Variants in EHMT1 observed in about 807,000 individuals in gnomAD.
EHMT1 encodes the protein euchromatic histone lysine methyltransferase 1, also known as histone-lysine N-methyltransferase EHMT1.
EHMT1 carries 15 observed loss-of-function variants against 147.2 expected under a neutral mutation model. The observed-to-expected ratio is 0.10, with a 90% confidence interval of 0.07 to 0.16. EHMT1 has a LOEUF of 0.16. Ranked by LOEUF, EHMT1 falls within the 10% of genes least tolerant of loss-of-function variation. EHMT1 has a pLI of 1.00. For missense variants in EHMT1, 1,587 were observed against 1,772.4 expected (o/e 0.90, Z 1.88); for synonymous variants, 795 against 709.6 (o/e 1.12, Z -1.91).
chr9:137,627,885 T>C (rs1455514992), intron 1 of EHMT1, among the ~76,000 whole-genome samples: 2 of 152,024 alleles, frequency 1.3e-5, no homozygotes, highest in African/African-American at 4.8e-5. Context: ...ACTTTTTGTA[T>C]TTTTAGTAGA....
Position 137,731,940 on chromosome 9 carries a change from C to T in EHMT1, c.823+3411C>T, listed in dbSNP as rs544032909. 3.0e-4 allele frequency among the ~76,000 whole-genome samples: 45 copies of T among 152,290 alleles called. 1 individual carries two copies. The highest frequency in any genetic ancestry group is 3.4e-3 in the Middle Eastern group (1 of 292). ...AAGCAGTTTACACTGCAGGCGCTGG[C>T]GTCTAGATGAGGGGAACACGGTGGT... On this transcript the variant is annotated intron_variant, in intron 4 of 26. Transcript: ENST00000460843. This position sits in a 1 kb window ranked among gnomAD's most constrained non-coding sequence, Gnocchi z 4.3.
chr9:137,631,994 T>C (rs973414806), intron 1 of EHMT1, among the ~76,000 whole-genome samples: 1 of 152,234 alleles, frequency 6.6e-6, no homozygotes, highest in Non-Finnish European at 1.5e-5. Flanking sequence ...GACGCACATG[T>C]GTCATTGTGT....
intron 1 of EHMT1, among the ~76,000 whole-genome samples, chr9:137,707,227 G>A (rs768556166): frequency 2.2e-4 from 33 of 152,230 alleles, no homozygotes; most frequent in Non-Finnish European, 3.2e-4. Flanking sequence ...CGCTGCTTGG[G>A]GGGGCTGGTC....
chr9:137,679,247 C>T (rs1232960000), intron 1 of EHMT1, among the ~76,000 whole-genome samples: 3 of 152,162 alleles, frequency 2.0e-5, no homozygotes, highest in Admixed American at 2.0e-4. Flanking sequence ...CTGTGCCCGA[C>T]CTGAGAAATT....
chr9:137,661,486 C>CT (rs1195276514), intron 1 of EHMT1, among the ~76,000 whole-genome samples: 2,034 of 133,892 alleles, frequency 0.015, 46 homozygotes, highest in African/African-American at 0.039. Flanking sequence ...TTTTGTACAT[C>CT]TTTTTTTTTT....
intron 18 of EHMT1, among the ~76,000 whole-genome samples, chr9:137,808,479 G>C (rs1264409879): frequency 6.6e-6 from 1 of 152,068 alleles, no homozygotes; most frequent in Non-Finnish European, 1.5e-5. Flanking sequence ...TTACTCTTCT[G>C]GTTCTTTTAG....
At chr9:137,802,889 C>T (rs1192753719) in intron 18 of EHMT1, 21 of 1,232,118 alleles carry the variant, frequency 1.7e-5, no homozygotes, top group Non-Finnish European at 2.0e-5. Flanking sequence ...GAGCCCTGAG[C>T]CGGCAGAAGG....
chr9:137,740,208 C>A (rs1947930125), intron 4 of EHMT1, among the ~76,000 whole-genome samples: 1 of 152,166 alleles, frequency 6.6e-6, no homozygotes. Context: ...ACTCCTGGCA[C>A]TATTTTTCCT....
At chr9:137,658,843 T>C (rs1238438473) in intron 1 of EHMT1, among the ~76,000 whole-genome samples, 1 of 152,138 alleles carries the variant, frequency 6.6e-6, no homozygotes, top group East Asian at 1.9e-4. Context: ...CAGGCTGGTC[T>C]CAAGCTTTTG....
chr9:137,619,224 G>GCCGCCGGGCGTCCGGCCCGCGCTC (rs1226899396), intron 1 of EHMT1, among the ~76,000 whole-genome samples, 175 bp downstream of exon 1: 1 of 142,462 alleles, frequency 7.0e-6, no homozygotes, highest in African/African-American at 2.5e-5. Flanking sequence ...CCGGGCCGAG[G>GCCGCCGGGCGTCCGGCCCGCGCTC]CCGCCGGGCG....
At chr9:137,666,444 C>T (rs1056032987) in intron 1 of EHMT1, among the ~76,000 whole-genome samples, 3 of 152,208 alleles carry the variant, frequency 2.0e-5, no homozygotes, top group Admixed American at 6.5e-5. Flanking sequence ...CCTACCTGCC[C>T]CCATGGCAGC....
chr9:137,788,773 CG>C (rs1952232635), intron 15 of EHMT1: 1 of 152,216 alleles, frequency 6.6e-6, no homozygotes, highest in Non-Finnish European at 1.5e-5. Flanking sequence ...CAGAGCCTCG[CG>C]GAGGGTGAGC....
At chr9:137,761,692 C>T (rs546779220) in intron 9 of EHMT1, among the ~76,000 whole-genome samples, 3 of 152,124 alleles carry the variant, frequency 2.0e-5, no homozygotes, top group African/African-American at 2.4e-5. Flanking sequence ...CTCCTGACCT[C>T]GTGATCTGCC....
intron 6 of EHMT1, among the ~76,000 whole-genome samples, chr9:137,744,315 T>C (rs78069921): frequency 1.3e-5 from 2 of 152,102 alleles, no homozygotes; most frequent in African/African-American, 4.8e-5. Flanking sequence ...CTTTTTTTTT[T>C]CTGTGTTTTC....
intron 18 of EHMT1, among the ~76,000 whole-genome samples, chr9:137,804,691 C>T (rs953180325): frequency 7.9e-5 from 12 of 152,024 alleles, no homozygotes; most frequent in African/African-American, 1.9e-4. Context: ...TTTTCTTATA[C>T]GAGTTTTATG....
intron 6 of EHMT1, among the ~76,000 whole-genome samples, chr9:137,750,993 A>G (rs1361716934): frequency 6.6e-6 from 1 of 152,256 alleles, no homozygotes; most frequent in East Asian, 1.9e-4. Context: ...GCTCCATTCT[A>G]GAGTCTGACA....
chr9:137,665,682 T>G (rs1175970755), intron 1 of EHMT1, among the ~76,000 whole-genome samples: 1 of 152,218 alleles, frequency 6.6e-6, no homozygotes, highest in Non-Finnish European at 1.5e-5. Context: ...GTGATTGCTT[T>G]GTGGGATGAG....
Position 137,781,864 on chromosome 9 carries a change from C to T in EHMT1, c.2276-427C>T, listed in dbSNP as rs578226567. 2.6e-5 allele frequency among the ~76,000 whole-genome samples: 4 copies of T among 152,328 alleles called. No homozygotes were observed. The East Asian group carries it at 5.8e-4, about 22-fold the overall frequency. ...CACCTGTGAAGGTCACCTCACTGCT[C>T]CGTTGCTCACCGTCCTCTCAGACCT... On this transcript the variant is annotated intron_variant, in intron 14 of 26. Transcript: ENST00000460843.
At chr9:137,759,302 G>A (rs905537011) in intron 9 of EHMT1, among the ~76,000 whole-genome samples, 6 of 152,250 alleles carry the variant, frequency 3.9e-5, no homozygotes, top group African/African-American at 1.4e-4. Flanking sequence ...TATAACACTG[G>A]GTGTTTCAGT....
Sources: gnomAD v4.1 joint callset for allele counts (sites outside exome capture counted in the v4.1 genomes callset) on GRCh38, gnomAD v4.1.1 for gene constraint, Gnocchi (gnomAD v3.1) non-coding constraint, MANE v1.5 for transcripts, NCBI Gene and HGNC (gene_info 2026-07-23, HGNC 2026-07-21) for gene names.